The following ROBO1 variants were observed in gnomAD, a reference collection of about 807,000 sequenced individuals.
ROBO1 encodes roundabout guidance receptor 1.
In ROBO1, 149 loss-of-function variants were observed where a neutral mutation model predicts 195.9. The observed-to-expected ratio is 0.76, with a 90% CI of 0.67 to 0.87. The LOEUF is 0.87. ROBO1 is among the 40% of genes least tolerant of loss of function. The pLI is 0.00. For missense variants in ROBO1, 1,933 were observed against 2,068.3 expected (o/e 0.93, Z 1.27); for synonymous variants, 816 against 733.2 (o/e 1.11, Z -1.82).
chr3:78,746,738 CT>C lies in ROBO1; in HGVS notation c.657+4del. On this transcript the variant is annotated splice_donor_region_variant and intron_variant, in intron 5 of 30. Coordinates refer to ENST00000464233, the MANE Select transcript of ROBO1 (RefSeq NM_002941.4). ...ATGTCCTCTGCTGTTGAATTAAATACTCACAGTTATTCTTTCATCTTTATCA... is the reference window on the plus strand; with the variant it reads ...ATGTCCTCTGCTGTTGAATTAAATACCACAGTTATTCTTTCATCTTTATCA... 6.7e-7 allele frequency: 1 copy of C among 1,488,744 alleles called. No individual in the cohort carries two copies. The highest frequency in any genetic ancestry group is 9.1e-7 in the Non-Finnish European group (1 of 1,103,928). 92.2% of individuals were successfully genotyped at this position (1,488,744 alleles called of 1,614,324 possible). A position where few individuals can be genotyped will look rare whatever the true frequency, so the allele number is the denominator to read the frequency against.
At chr3:79,166,812 C>T (rs985903213) in intron 2 of ROBO1, among the ~76,000 whole-genome samples, 13 of 151,992 alleles carry the variant, frequency 8.6e-5, no homozygotes, top group Middle Eastern at 3.2e-3. Flanking sequence ...CGTTGATCCG[C>T]TATTTTTCTT....
chr3:79,187,340 T>G (rs527551200), intron 2 of ROBO1, among the ~76,000 whole-genome samples: 1 of 152,148 alleles, frequency 6.6e-6, no homozygotes, highest in East Asian at 1.9e-4. Flanking sequence ...GCCAAGAGTC[T>G]GCCATCATCT....
intron 2 of ROBO1, among the ~76,000 whole-genome samples, chr3:79,254,749 C>T (rs1402130710): frequency 2.6e-5 from 4 of 152,166 alleles, no homozygotes; most frequent in Non-Finnish European, 4.4e-5. Context: ...TATTTCAATG[C>T]CCCTTATTGG....
In ROBO1 at chr3:79,205,103, G is replaced by C. The variant is rs532955173; in HGVS notation, c.89-79564C>G. Among the ~76,000 whole-genome samples the C allele has an allele frequency of 3.3e-5, 5 of 151,880 alleles. No homozygotes were observed. In the South Asian group the frequency reaches 1.0e-3, roughly 32 times the overall value. ...TACCTCCCAGGTTCAAGCTATTTTG[G>C]CGCAGCAGCCTCTGGAGTAGTTGGG... is the stretch of plus-strand genomic sequence containing the variant. On this transcript the variant is annotated intron_variant, in intron 2 of 30. Coordinates refer to ENST00000464233, the MANE Select transcript of ROBO1 (RefSeq NM_002941.4).
chr3:79,564,717 C>A (rs930958749), intron 2 of ROBO1, among the ~76,000 whole-genome samples: 2 of 151,936 alleles, frequency 1.3e-5, no homozygotes, highest in Admixed American at 6.6e-5. Context: ...TATAAGCTAT[C>A]TGTACAACTA....
intron 2 of ROBO1, among the ~76,000 whole-genome samples, chr3:79,383,588 C>T (rs1047801761): frequency 9.9e-5 from 15 of 152,022 alleles, no homozygotes; most frequent in Non-Finnish European, 1.9e-4. Flanking sequence ...GGAACTGGAA[C>T]GAAGCCACAT....
At chr3:79,155,471 T>A (rs765530547) in intron 2 of ROBO1, among the ~76,000 whole-genome samples, 1 of 151,798 alleles carries the variant, frequency 6.6e-6, no homozygotes, top group Non-Finnish European at 1.5e-5. Context: ...TGCCTAAAAT[T>A]ATTTAGTGAC....
chr3:79,078,101 A>G (rs771694966), intron 3 of ROBO1, among the ~76,000 whole-genome samples: 5 of 151,820 alleles, frequency 3.3e-5, no homozygotes, highest in Non-Finnish European at 7.4e-5. Flanking sequence ...GAAACCACAA[A>G]GGAAAGAAGG....
At position 79,010,044 on chromosome 3, in the gene ROBO1, C is replaced by T. The variant is rs2077736883; in HGVS notation, c.173-71117G>A. Among the ~76,000 whole-genome samples the T allele has an allele frequency of 2.6e-5, 4 of 152,116 alleles. 1 individual carries two copies. The highest frequency in any genetic ancestry group is 5.9e-5 in the Non-Finnish European group (4 of 68,018). On this transcript the variant is annotated intron_variant, in intron 3 of 30. Transcript: ENST00000464233. ...GTAGAGTGTGTAAAACCAGGGTACA[C>T]TCTTTTTTGTGGGTTATCATGTGAC...
chr3:79,471,095 T>C (rs771600741), intron 2 of ROBO1, among the ~76,000 whole-genome samples: 8 of 152,042 alleles, frequency 5.3e-5, no homozygotes, highest in Non-Finnish European at 1.0e-4. Flanking sequence ...GAAAGCTGGA[T>C]ACCCATAGGC....
intron 3 of ROBO1, among the ~76,000 whole-genome samples, chr3:79,000,669 G>A (rs543020985): frequency 6.6e-6 from 1 of 152,294 alleles, no homozygotes; most frequent in South Asian, 2.1e-4. Context: ...CTTTTACACT[G>A]TTGGGAGTGT....
intron 3 of ROBO1, among the ~76,000 whole-genome samples, chr3:78,950,568 C>T (rs937887047): frequency 2.0e-5 from 3 of 149,970 alleles, no homozygotes; most frequent in Non-Finnish European, 4.4e-5. Context: ...TGCTAAATGA[C>T]GAGTTAATGG....
chr3:79,073,922 G>C (rs1202115303), intron 3 of ROBO1, among the ~76,000 whole-genome samples: 1 of 150,356 alleles, frequency 6.7e-6, no homozygotes, highest in African/African-American at 2.4e-5. Context: ...CAGGATACTA[G>C]ATATATAACA....
At chr3:79,607,776 CCT>C (rs1326440463) in intron 1 of ROBO1, among the ~76,000 whole-genome samples, 1 of 151,950 alleles carries the variant, frequency 6.6e-6, no homozygotes, top group Non-Finnish European at 1.5e-5. Flanking sequence ...ATAAATTCTT[CCT>C]CTCTCATGCT....
chr3:78,686,295 A>C (rs774423844), intron 9 of ROBO1, among the ~76,000 whole-genome samples: 57 of 152,038 alleles, frequency 3.7e-4, no homozygotes, highest in Middle Eastern at 3.2e-3. Flanking sequence ...GGTGGCTTAC[A>C]CCTGTCATCC....
intron 2 of ROBO1, among the ~76,000 whole-genome samples, chr3:79,569,683 GTGTGTGTATA>G (rs1943212387): frequency 6.6e-6 from 1 of 150,812 alleles, no homozygotes; most frequent in African/African-American, 2.4e-5. Flanking sequence ...GTATATATGT[GTGTGTGTATA>G]TATATATGTG....
chr3:78,627,200 T>A, intron 26 of ROBO1, 121 bp downstream of exon 26: 2 of 1,059,314 alleles, frequency 1.9e-6, no homozygotes. Context: ...TACTATGGGA[T>A]GATACTGCCA....
chr3:78,675,280 G>C (rs113905275), intron 10 of ROBO1, among the ~76,000 whole-genome samples: 2 of 152,082 alleles, frequency 1.3e-5, no homozygotes, highest in Admixed American at 6.5e-5. Flanking sequence ...CTGAGGTACC[G>C]GGTTCATCTC....
At chr3:79,014,192 G>A (rs988578226) in intron 3 of ROBO1, among the ~76,000 whole-genome samples, 2 of 151,960 alleles carry the variant, frequency 1.3e-5, no homozygotes, top group Non-Finnish European at 2.9e-5. Context: ...TTTTTGGACC[G>A]GGCACACTGG....
Sources: allele counts gnomAD v4.1 joint callset (sites outside exome capture counted in the v4.1 genomes callset), GRCh38; gene constraint gnomAD v4.1.1; transcripts MANE v1.5; gene names NCBI Gene and HGNC (gene_info 2026-07-23, HGNC 2026-07-21).